Variants in SLC1A7 observed in about 807,000 individuals in gnomAD.
SLC1A7 encodes excitatory amino acid transporter 5.
Under a neutral mutation model 47.7 loss-of-function variants are expected in SLC1A7, and 40 were observed. The ratio of observed to expected loss-of-function variants is 0.84; its 90% CI spans 0.65 to 1.09. SLC1A7 has a LOEUF of 1.09. Among genes scored for constraint, SLC1A7 ranks in the 50% least tolerant of loss-of-function variants. SLC1A7 has a pLI of 0.00. For missense variants in SLC1A7, 746 were observed against 769.5 expected (o/e 0.97, Z 0.36); for synonymous variants, 323 against 325.6 (o/e 0.99, Z 0.09).
chr1:53,117,015 G>A (rs1002727227), intron 2 of SLC1A7, among the ~76,000 whole-genome samples: 3 of 152,198 alleles, frequency 2.0e-5, no homozygotes, highest in East Asian at 1.9e-4. Flanking sequence ...CATCAGAACC[G>A]CAAGGGAAGC....
chr1:53,101,703 A>C (rs1644584026), intron 5 of SLC1A7, among the ~76,000 whole-genome samples: 1 of 143,716 alleles, frequency 7.0e-6, no homozygotes. Flanking sequence ...GTACACTCAC[A>C]CCAGCTTGGT....
chr1:53,097,420 A>ACTC (rs1333040022), intron 5 of SLC1A7, among the ~76,000 whole-genome samples: 12 of 124,638 alleles, frequency 9.6e-5, no homozygotes, highest in South Asian at 2.7e-4. Context: ...ACCTTGGTAC[A>ACTC]ATCACACACA....
At chr1:53,137,303 C>T (rs1645012326) in intron 1 of SLC1A7, among the ~76,000 whole-genome samples, 1 of 65,444 alleles carries the variant, frequency 1.5e-5, no homozygotes, top group African/African-American at 5.4e-5. Flanking sequence ...AAAAAAAGTG[C>T]TCTACTGATA....
At chr1:53,138,468 T>C (rs1312678810) in intron 1 of SLC1A7, among the ~76,000 whole-genome samples, 1 of 152,084 alleles carries the variant, frequency 6.6e-6, no homozygotes, top group African/African-American at 2.4e-5. Context: ...CTTTTTCTAT[T>C]TTCATTTATT....
chr1:53,099,804 TACACACCCCACCTTGGTACACTC>T (rs1223278763), intron 5 of SLC1A7, among the ~76,000 whole-genome samples: 2 of 116,598 alleles, frequency 1.7e-5, no homozygotes, highest in African/African-American at 3.4e-5. Flanking sequence ...TCGGTACACT[TACACACCCCACCTTGGTACACTC>T]ACACACCCTG....
chr1:53,103,712 G>T, intron 4 of SLC1A7, 144 bp from the exon 5 acceptor site: 1 of 561,132 alleles, frequency 1.8e-6, no homozygotes, highest in Non-Finnish European at 3.1e-6. Context: ...GGCAGGCAGA[G>T]CAGGGATTGC....
chr1:53,107,157 A>AC (rs1644652563), intron 3 of SLC1A7, among the ~76,000 whole-genome samples: 1 of 135,788 alleles, frequency 7.4e-6, no homozygotes, highest in Non-Finnish European at 1.5e-5. Flanking sequence ...TCTGACTAAA[A>AC]AAAAAAAAAA....
intron 5 of SLC1A7, among the ~76,000 whole-genome samples, chr1:53,101,826 C>G (rs1178321919): frequency 6.7e-6 from 1 of 150,004 alleles, no homozygotes; most frequent in Non-Finnish European, 1.5e-5. Flanking sequence ...CCTCGGTACA[C>G]TCACACGCAC....
chr1:53,089,833 T>C lies in SLC1A7; in HGVS notation c.1328A>G (p.Asp443Gly). ...GTCAACGGCAATGATGAGGGTGATG[T>C]CATCGGTGGGCAGTCCCACGGAGGT... is the stretch of plus-strand genomic sequence containing the variant. Reference protein sequence around the residue: ...VLTSVGLPTDDITLIIAVDWA... With the variant: ...VLTSVGLPTDGITLIIAVDWA... The change falls in exon 9 of 11, where the codon GAC (aspartate) becomes GGC (glycine). Residue 443 changes from aspartate (D) to glycine (G), a missense_variant. By Grantham distance (94) the Asp-to-Gly change is moderately conservative. Transcript: ENST00000371494. 6.2e-7 allele frequency: 1 copy of C among 1,613,932 alleles called. No homozygotes were observed. Among genetic ancestry groups the C allele is most frequent in the Non-Finnish European group, 8.5e-7 (1 of 1,180,014 alleles).
intron 9 of SLC1A7, among the ~76,000 whole-genome samples, chr1:53,089,187 A>G (rs918407286): frequency 4.6e-5 from 7 of 152,310 alleles, no homozygotes; most frequent in East Asian, 1.9e-4. Context: ...ACAGGTCCCC[A>G]TGCTTAGAAG....
intron 2 of SLC1A7, among the ~76,000 whole-genome samples, chr1:53,132,710 G>A (rs1321490815): frequency 1.4e-5 from 2 of 147,380 alleles, no homozygotes; most frequent in Middle Eastern, 3.4e-3. Context: ...ATTAGGTGTG[G>A]TGGTGTGTGC....
intron 2 of SLC1A7, among the ~76,000 whole-genome samples, chr1:53,123,430 G>C: frequency 6.6e-6 from 1 of 152,194 alleles, no homozygotes; most frequent in East Asian, 1.9e-4. Flanking sequence ...ACCTTCCCAG[G>C]CTCTGAGATA....
intron 5 of SLC1A7, among the ~76,000 whole-genome samples, chr1:53,096,310 C>G (rs1442773718): frequency 2.7e-5 from 4 of 148,080 alleles, no homozygotes; most frequent in African/African-American, 1.0e-4. Context: ...TCTCGGTAAA[C>G]TCACCCCATC....
intron 5 of SLC1A7, among the ~76,000 whole-genome samples, chr1:53,099,427 C>T (rs1557671956): frequency 1.3e-5 from 2 of 150,824 alleles, no homozygotes; most frequent in Non-Finnish European, 3.0e-5. Flanking sequence ...CTCACACAGC[C>T]CGCCTCGGTA....
At chr1:53,120,020 T>C (rs1419010707) in intron 2 of SLC1A7, among the ~76,000 whole-genome samples, 1 of 152,180 alleles carries the variant, frequency 6.6e-6, no homozygotes, top group Non-Finnish European at 1.5e-5. Flanking sequence ...TCCTAAGCCA[T>C]CTGGCCACCA....
chr1:53,124,993 T>C (rs1644866490), intron 2 of SLC1A7, among the ~76,000 whole-genome samples: 1 of 152,188 alleles, frequency 6.6e-6, no homozygotes, highest in Admixed American at 6.5e-5. Context: ...TACTGTAAGT[T>C]GAAAGCAAAA....
intron 8 of SLC1A7, 180 bp from the exon 9 acceptor site, chr1:53,090,114 C>A (rs1472013206): frequency 1.6e-6 from 1 of 644,480 alleles, no homozygotes. Flanking sequence ...AGTCCTGAAG[C>A]CCCATGGACC....
At chr1:53,139,328 G>A (rs1175345487) in intron 1 of SLC1A7, among the ~76,000 whole-genome samples, 1 of 152,200 alleles carries the variant, frequency 6.6e-6, no homozygotes, top group Non-Finnish European at 1.5e-5. Context: ...TGGTGCCTAA[G>A]CTCAGCTGAC....
At chr1:53,126,035 T>C (rs3766795) in intron 2 of SLC1A7, among the ~76,000 whole-genome samples, 21,354 of 152,326 alleles carry the variant, frequency 0.14, 1,712 homozygotes, top group Non-Finnish European at 0.18. Flanking sequence ...AAGTTGCCCA[T>C]AGAGTCCAGG....
Sources: gnomAD v4.1 joint callset for allele counts (sites outside exome capture counted in the v4.1 genomes callset) on GRCh38, gnomAD v4.1.1 for gene constraint, MANE v1.5 for transcripts, NCBI Gene and HGNC (gene_info 2026-07-23, HGNC 2026-07-21) for gene names.